ZFHX3: variants seen among roughly 807,000 people sequenced by gnomAD.
ZFHX3 encodes zinc finger homeobox 3.
ZFHX3 carries 42 observed loss-of-function variants against 279.1 expected under a neutral mutation model. That is an observed-to-expected ratio of 0.15 (90% CI 0.12 to 0.19). ZFHX3 has a LOEUF of 0.19. ZFHX3 is among the 10% of genes least tolerant of loss of function. ZFHX3 has a pLI of 1.00. For missense variants in ZFHX3, 4,981 were observed against 4,754.0 expected, an observed-to-expected ratio of 1.05 and a Z score of -1.40; for synonymous variants, 2,293 against 1,957.8, an observed-to-expected ratio of 1.17 and a Z score of -4.52.
chr16:72,846,973 C>A (rs1449527328), intron 4 of ZFHX3, among the ~76,000 whole-genome samples: 3 of 152,288 alleles, frequency 2.0e-5, no homozygotes, highest in African/African-American at 7.2e-5. Context: ...AAGCCTCTCC[C>A]TGAGAAGAGG....
At chr16:73,871,115 C>T (rs1232202059) in intron 1 of ZFHX3, among the ~76,000 whole-genome samples, 1 of 152,164 alleles carries the variant, frequency 6.6e-6, no homozygotes, top group Admixed American at 6.5e-5. Flanking sequence ...TAATTGTTTA[C>T]TTATTGACAC....
chr16:73,471,907 G>C (rs930439811), intron 2 of ZFHX3, among the ~76,000 whole-genome samples: 1 of 152,098 alleles, frequency 6.6e-6, no homozygotes, highest in African/African-American at 2.4e-5. Context: ...ATTTCAAACA[G>C]GAGCAAGCCC....
At chr16:73,389,957 G>T (rs76980163) in intron 3 of ZFHX3, among the ~76,000 whole-genome samples, 11,415 of 152,262 alleles carry the variant, frequency 0.075, 987 homozygotes, top group South Asian at 0.2. Context: ...CTACTCAGGA[G>T]GCTAAGGCAG....
At chr16:73,799,325 T>A (rs1002551386) in intron 1 of ZFHX3, among the ~76,000 whole-genome samples, 3 of 152,228 alleles carry the variant, frequency 2.0e-5, no homozygotes, top group African/African-American at 7.2e-5. Context: ...AAATGATGTG[T>A]ATCTTATTTA....
intron 5 of ZFHX3, among the ~76,000 whole-genome samples, chr16:73,234,585 A>G (rs2012884105): frequency 6.6e-6 from 1 of 152,214 alleles, no homozygotes; most frequent in Non-Finnish European, 1.5e-5. Context: ...GAGAATAGGA[A>G]ATTCCACAGA....
At chr16:73,837,841 G>C (rs1333671151) in intron 1 of ZFHX3, among the ~76,000 whole-genome samples, 2 of 152,062 alleles carry the variant, frequency 1.3e-5, no homozygotes, top group Non-Finnish European at 2.9e-5. Flanking sequence ...TCTCCATGTT[G>C]GTCAGGCCGG....
intron 4 of ZFHX3, among the ~76,000 whole-genome samples, chr16:72,841,275 A>G (rs2037337868): frequency 6.6e-6 from 1 of 152,246 alleles, no homozygotes; most frequent in African/African-American, 2.4e-5. Flanking sequence ...ACAAACAGGC[A>G]ACAGAAGCAA....
intron 1 of ZFHX3, among the ~76,000 whole-genome samples, chr16:73,784,796 A>AAAAATATATAT (rs56734827): frequency 7.6e-6 from 1 of 131,082 alleles, no homozygotes; most frequent in Non-Finnish European, 1.6e-5. Flanking sequence ...TAAAAAAAAA[A>AAAAATATATAT]ATATATATAT....
intron 3 of ZFHX3, among the ~76,000 whole-genome samples, chr16:73,398,729 C>T (rs1035916554): frequency 6.6e-6 from 1 of 152,190 alleles, no homozygotes; most frequent in Non-Finnish European, 1.5e-5. Flanking sequence ...TTACATAAGC[C>T]GACCCATAAG....
chr16:73,049,719 G>T (rs1027803866), upstream of ZFHX3, among the ~76,000 whole-genome samples: 3 of 152,138 alleles, frequency 2.0e-5, no homozygotes, highest in African/African-American at 7.2e-5. Flanking sequence ...GGGCCGGGTG[G>T]GGGGAGTTAA....
intron 2 of ZFHX3, among the ~76,000 whole-genome samples, chr16:73,491,939 G>A (rs2019062686): frequency 6.6e-6 from 1 of 152,134 alleles, no homozygotes; most frequent in Non-Finnish European, 1.5e-5. Context: ...GATGATCCAG[G>A]AAATGCTATC....
chr16:73,653,323 T>G (rs2052689486), intron 2 of ZFHX3, among the ~76,000 whole-genome samples: 1 of 152,148 alleles, frequency 6.6e-6, no homozygotes, highest in Non-Finnish European at 1.5e-5. Flanking sequence ...TTACAAAAAT[T>G]CACCATATGA....
chr16:72,793,965 T>C lies in ZFHX3; in HGVS notation c.8717A>G (p.Tyr2906Cys), dbSNP rs771383660. The C allele has an allele frequency of 1.2e-6, 2 of 1,614,210 alleles. No individual in the cohort carries two copies. Among genetic ancestry groups the C allele is most frequent in the Middle Eastern group, 1.6e-4 (1 of 6,062 alleles). Residue 2906 changes from tyrosine (Y) to cysteine (C), a missense_variant, in exon 9 of 10, where the codon TAT (tyrosine) becomes TGT (cysteine). Physicochemically the swap from Tyr to Cys is radical, Grantham distance 194 (BLOSUM62 -2). Around this residue, in one of 7 missense-constraint regions of ZFHX3, gnomAD observed 168 missense variants for 249.1 expected, o/e 0.67. Transcript: ENST00000268489. The surrounding 1 kb of genome is among the most constrained non-coding windows in gnomAD (Gnocchi z 4.3). ...SPAPSFYSKE[Y>C]DNEGTVDYSE... The stretch of plus-strand genomic sequence containing the variant: ...GTAGTCCACTGTACCTTCATTGTCA[T>C]ATTCCTTGCTATAAAAGCTCGGGGC...
chr16:72,954,096 A>T (rs924174464), intron 2 of ZFHX3, among the ~76,000 whole-genome samples: 7 of 152,238 alleles, frequency 4.6e-5, no homozygotes, highest in Admixed American at 3.3e-4. Flanking sequence ...GGGGCTGGGC[A>T]TAGTGGCTCA....
intron 1 of ZFHX3, among the ~76,000 whole-genome samples, chr16:73,001,829 G>A (rs1012705742): frequency 1.3e-4 from 20 of 150,900 alleles, no homozygotes; most frequent in Admixed American, 8.6e-4. Flanking sequence ...AAAAAAAAAA[G>A]GGGGGGAAAG....
At position 72,787,288 on chromosome 16, in the gene ZFHX3, T is replaced by C. The variant is rs2035431522; in HGVS notation, c.10988A>G (p.Glu3663Gly). The change falls in exon 10 of 10, where the codon GAG becomes GGG. Residue 3663 changes from glutamate to glycine, a missense_variant. Coordinates refer to ENST00000268489, the MANE Select transcript of ZFHX3 (RefSeq NM_006885.4). ...PSMPTDDYSE[E>G]SDTDLSQKSD... The stretch of plus-strand genomic sequence containing the variant: ...CTTTTGGCTGAGATCCGTGTCAGAC[T>C]CCTCCGAATAGTCGTCTGTTGGCAT... 3 of 1,613,906 alleles carry C rather than the reference T, an allele frequency of 1.9e-6. No homozygotes were observed. The highest frequency in any genetic ancestry group is 2.5e-6 in the Non-Finnish European group (3 of 1,180,024).
chr16:73,863,657 T>C (rs1396366508), intron 1 of ZFHX3, among the ~76,000 whole-genome samples: 1 of 152,232 alleles, frequency 6.6e-6, no homozygotes, highest in Non-Finnish European at 1.5e-5. Context: ...TCAGTTTCTA[T>C]ATCATACGAT....
intron 4 of ZFHX3, among the ~76,000 whole-genome samples, chr16:72,834,916 A>G (rs2037149389): frequency 6.6e-6 from 1 of 152,206 alleles, no homozygotes; most frequent in African/African-American, 2.4e-5. Flanking sequence ...GAGTCAATCA[A>G]TGATTAAGAC....
At chr16:73,793,323 AAGAG>A (rs1276916629) in intron 1 of ZFHX3, among the ~76,000 whole-genome samples, 2 of 152,242 alleles carry the variant, frequency 1.3e-5, no homozygotes, top group Admixed American at 6.5e-5. Context: ...GATTCAAAGA[AAGAG>A]AGTGATACCT....
Sources: gnomAD v4.1 joint callset for allele counts (sites outside exome capture counted in the v4.1 genomes callset) on GRCh38, gnomAD v4.1.1 for gene constraint, gnomAD v4.1.1 regional missense constraint, Gnocchi (gnomAD v3.1) non-coding constraint, MANE v1.5 for transcripts, NCBI Gene and HGNC (gene_info 2026-07-23, HGNC 2026-07-21) for gene names.